Variants in PEAK1 observed in about 807,000 individuals in gnomAD.
PEAK1 encodes the protein pseudopodium enriched atypical kinase 1, also known as inactive tyrosine-protein kinase PEAK1.
A neutral mutation model predicts 124.7 loss-of-function variants in PEAK1; 54 were observed. That is an observed-to-expected ratio of 0.43 (90% CI 0.35 to 0.54). The LOEUF (loss-of-function observed/expected upper bound fraction) is 0.54, where lower values mean the gene tolerates loss of function less well. Ranked by LOEUF, PEAK1 falls within the 20% of genes least tolerant of loss-of-function variation. PEAK1 has a pLI of 0.01. For synonymous variants in PEAK1, 719 were observed against 760.0 expected (o/e 0.95, Z 0.89); for missense variants, 2,046 against 2,134.5 (o/e 0.96, Z 0.82).
intron 1 of PEAK1, among the ~76,000 whole-genome samples, chr15:77,367,923 T>C (rs1309286569): frequency 6.6e-6 from 1 of 152,214 alleles, no homozygotes; most frequent in Admixed American, 6.5e-5. Flanking sequence ...GGCTTTCAAG[T>C]GATCACCATT....
intron 5 of PEAK1, among the ~76,000 whole-genome samples, chr15:77,254,929 C>T (rs1022274273): frequency 3.3e-5 from 5 of 151,990 alleles, no homozygotes; most frequent in Admixed American, 3.3e-4. Flanking sequence ...CTTCAATGCT[C>T]TGAAAAAAAT....
At chr15:77,300,511 G>T (rs2063729991) in intron 2 of PEAK1, among the ~76,000 whole-genome samples, 1 of 152,146 alleles carries the variant, frequency 6.6e-6, no homozygotes, top group African/African-American at 2.4e-5. Flanking sequence ...GACAAATTGT[G>T]AAGATAGTAC....
chr15:77,259,830 C>T (rs2061346937), intron 5 of PEAK1, among the ~76,000 whole-genome samples: 1 of 152,138 alleles, frequency 6.6e-6, no homozygotes, highest in African/African-American at 2.4e-5. Flanking sequence ...GAAGAATTTA[C>T]ACAGAGCCTG....
At chr15:77,368,802 G>A (rs1027625399) in intron 1 of PEAK1, among the ~76,000 whole-genome samples, 4 of 152,122 alleles carry the variant, frequency 2.6e-5, no homozygotes, top group African/African-American at 9.7e-5. Context: ...AAGGGATTAC[G>A]ACTATATGCA....
At chr15:77,393,633 G>A (rs1277600221) in intron 1 of PEAK1, among the ~76,000 whole-genome samples, 1 of 152,200 alleles carries the variant, frequency 6.6e-6, no homozygotes, top group Non-Finnish European at 1.5e-5. Context: ...TGTTAGCTAG[G>A]CAGTACTTGC....
chr15:77,291,759 C>A (rs1212340208), intron 2 of PEAK1, among the ~76,000 whole-genome samples: 1 of 151,982 alleles, frequency 6.6e-6, no homozygotes, highest in Non-Finnish European at 1.5e-5. Flanking sequence ...AAGTGGACCA[C>A]GAGGTCAGGA....
At chr15:77,167,151 AAATTTT>A (rs1398543681) in intron 7 of PEAK1, among the ~76,000 whole-genome samples, 3 of 152,244 alleles carry the variant, frequency 2.0e-5, no homozygotes, top group African/African-American at 7.2e-5. Context: ...GTGAATAGAA[AAATTTT>A]CTTCAGAAGT....
chr15:77,244,071 G>A (rs2060473534), intron 6 of PEAK1, among the ~76,000 whole-genome samples: 1 of 151,960 alleles, frequency 6.6e-6, no homozygotes, highest in African/African-American at 2.4e-5. Context: ...ATATGATGAA[G>A]ACTCCTTTAT....
chr15:77,105,781 C>T (rs551539232), downstream of PEAK1: 1 of 152,476 alleles, frequency 6.6e-6, no homozygotes, highest in African/African-American at 2.4e-5. Flanking sequence ...AATCAAGATT[C>T]TCTGTGGCTT....
chr15:77,132,078 G>A (rs2052911709), intron 9 of PEAK1, among the ~76,000 whole-genome samples: 1 of 151,928 alleles, frequency 6.6e-6, no homozygotes, highest in Non-Finnish European at 1.5e-5. Context: ...CAAAGCTCAA[G>A]GGTTACCTAC....
chr15:77,278,152 T>C (rs566703900), intron 5 of PEAK1, among the ~76,000 whole-genome samples: 65 of 152,210 alleles, frequency 4.3e-4, no homozygotes, highest in African/African-American at 1.5e-3. Context: ...AGTTTTGATG[T>C]TGAACCTAAA....
chr15:77,227,137 G>A (rs1202167202), intron 6 of PEAK1, among the ~76,000 whole-genome samples: 1 of 152,186 alleles, frequency 6.6e-6, no homozygotes, highest in African/African-American at 2.4e-5. Flanking sequence ...TACTTCTGAT[G>A]TATATCAAAG....
rs192666669 is a variant in PEAK1, at chr15:77,218,707, T to A, written c.-115+33660A>T. ...AAGTGATCCTCCTGCCTCAGCCTAC[T>A]GAATAACTGGGACTAATGGCACACA... On this transcript the variant is annotated intron_variant, in intron 6 of 9. Coordinates refer to ENST00000682557, the MANE Select transcript of PEAK1 (RefSeq NM_001385026.1). Among the ~76,000 whole-genome samples the A allele has an allele frequency of 2.4e-4, 37 of 152,288 alleles. 1 individual carries two copies. The highest frequency in any genetic ancestry group is 1.5e-5 in the Non-Finnish European group (1 of 68,020).
chr15:77,273,968 A>T (rs2062172407), intron 5 of PEAK1, among the ~76,000 whole-genome samples: 1 of 152,190 alleles, frequency 6.6e-6, no homozygotes, highest in Non-Finnish European at 1.5e-5. Context: ...ACCCAGAAAT[A>T]AAGAGAAATA....
chr15:77,183,401 A>AT (rs1312461555), intron 6 of PEAK1, among the ~76,000 whole-genome samples: 1 of 152,172 alleles, frequency 6.6e-6, no homozygotes, highest in Non-Finnish European at 1.5e-5. Flanking sequence ...GTGAAATTAC[A>AT]TTTTTCAAAG....
Position 77,250,257 on chromosome 15 carries a change from A to ATT in PEAK1, c.-115+2108_-115+2109dup, listed in dbSNP as rs141195382. On this transcript the variant is annotated intron_variant, in intron 6 of 9. Coordinates refer to ENST00000682557, the MANE Select transcript of PEAK1 (RefSeq NM_001385026.1). ...TGTATATGTATATATATATATATAT[A>ATT]TTTTTTTTTGACAGAGTTTCACTCC... 1.7e-3 allele frequency among the ~76,000 whole-genome samples: 214 copies of ATT among 126,206 alleles called. 5 individuals carry two copies. Among genetic ancestry groups the ATT allele is most frequent in the African/African-American group, 4.8e-3 (161 of 33,262 alleles). 82.8% of individuals were successfully genotyped at this position (126,206 alleles called of 152,430 possible).
chr15:77,134,612 T>G (rs753628631), intron 8 of PEAK1, among the ~76,000 whole-genome samples: 1 of 152,232 alleles, frequency 6.6e-6, no homozygotes, highest in Non-Finnish European at 1.5e-5. Flanking sequence ...ACATGTGTGT[T>G]TGAATATACC....
intron 6 of PEAK1, among the ~76,000 whole-genome samples, chr15:77,215,347 T>C (rs2059101315): frequency 6.6e-6 from 1 of 152,230 alleles, no homozygotes; most frequent in African/African-American, 2.4e-5. Flanking sequence ...TTTTTAATTG[T>C]CTTTCGAAAA....
chr15:77,379,346 T>C (rs1301720631), intron 1 of PEAK1, among the ~76,000 whole-genome samples: 1 of 152,160 alleles, frequency 6.6e-6, no homozygotes, highest in African/African-American at 2.4e-5. Flanking sequence ...AGAATGTGAG[T>C]CACTTTTGAA....
Sources: allele counts gnomAD v4.1 joint callset (sites outside exome capture counted in the v4.1 genomes callset), GRCh38; gene constraint gnomAD v4.1.1; transcripts MANE v1.5; gene names NCBI Gene and HGNC (gene_info 2026-07-23, HGNC 2026-07-21).